Variants in PDZRN3 observed in about 807,000 individuals in gnomAD.
The protein encoded by PDZRN3 is E3 ubiquitin-protein ligase PDZRN3.
PDZRN3 carries 38 observed loss-of-function variants against 85.7 expected under a neutral mutation model. That is an observed-to-expected ratio of 0.44 (90% CI 0.34 to 0.58). The LOEUF (loss-of-function observed/expected upper bound fraction) is 0.58, where lower values mean the gene tolerates loss of function less well. PDZRN3 is among the 20% of genes least tolerant of loss of function. PDZRN3 has a pLI of 0.01. For missense variants in PDZRN3, 1,629 were observed against 1,506.4 expected (o/e 1.08, Z -1.35); for synonymous variants, 759 against 638.0 (o/e 1.19, Z -2.86).
chr3:73,579,271 C>A (rs1309071297), intron 3 of PDZRN3, among the ~76,000 whole-genome samples: 1 of 152,196 alleles, frequency 6.6e-6, no homozygotes, highest in East Asian at 1.9e-4. Flanking sequence ...AGCACCTTGA[C>A]CTTGAACTTC....
chr3:73,459,697 C>T (rs190838200), intron 3 of PDZRN3, among the ~76,000 whole-genome samples: 38 of 152,308 alleles, frequency 2.5e-4, no homozygotes, highest in East Asian at 2.3e-3. Flanking sequence ...CTTCTTTTTA[C>T]GGCTGCATAG....
At chr3:73,574,540 C>T (rs150548535) in intron 3 of PDZRN3, among the ~76,000 whole-genome samples, 9,928 of 151,676 alleles carry the variant, frequency 0.065, 1,085 homozygotes, top group African/African-American at 0.23. Flanking sequence ...CTCACTGCAA[C>T]CTCCACCTCC....
intron 3 of PDZRN3, among the ~76,000 whole-genome samples, chr3:73,489,162 G>A (rs1391065781): frequency 6.6e-6 from 1 of 152,216 alleles, no homozygotes; most frequent in Non-Finnish European, 1.5e-5. Context: ...CAGCTAGTGG[G>A]CAGGGTGCAG....
At chr3:73,396,331 G>T (rs566717129) in intron 5 of PDZRN3, among the ~76,000 whole-genome samples, 1 of 152,204 alleles carries the variant, frequency 6.6e-6, no homozygotes, top group East Asian at 1.9e-4. Context: ...GGCATGTAAC[G>T]ATCTGGGGCA....
At chr3:73,492,520 T>C (rs1559706810) in intron 3 of PDZRN3, among the ~76,000 whole-genome samples, 2 of 152,336 alleles carry the variant, frequency 1.3e-5, no homozygotes, top group Admixed American at 1.3e-4. Flanking sequence ...TCTGGGTGCA[T>C]GGTGCTGTTC....
At chr3:73,623,584 A>G (rs1702902530) in intron 1 of PDZRN3, 1 of 152,068 alleles carries the variant, frequency 6.6e-6, no homozygotes, top group South Asian at 2.1e-4. Flanking sequence ...CTCTCTTCTG[A>G]TATCCTTCTT....
intron 3 of PDZRN3, among the ~76,000 whole-genome samples, chr3:73,476,757 G>A (rs1703467208): frequency 6.6e-6 from 1 of 152,168 alleles, no homozygotes; most frequent in South Asian, 2.1e-4. Flanking sequence ...GAGAAACTGA[G>A]GCCTCTTACC....
intron 3 of PDZRN3, among the ~76,000 whole-genome samples, chr3:73,495,961 TC>T (rs1703858165): frequency 6.6e-6 from 1 of 151,202 alleles, no homozygotes; most frequent in African/African-American, 2.4e-5. Flanking sequence ...CTTCCCCCTA[TC>T]CCCATCCCCC....
At chr3:73,574,673 G>A (rs1009796679) in intron 3 of PDZRN3, among the ~76,000 whole-genome samples, 5 of 152,120 alleles carry the variant, frequency 3.3e-5, no homozygotes, top group African/African-American at 1.2e-4. Context: ...TGGTCAGGCC[G>A]GTCTCAAACT....
chr3:73,624,667 C>CGGGCAGCTGCCCTCCTGCACCACCCA lies in PDZRN3; in HGVS notation c.133_158dup (p.Ala54GlyfsTer106). The CGGGCAGCTGCCCTCCTGCACCACCCA allele has an allele frequency of 1.3e-6, 2 of 1,526,258 alleles. No homozygotes were observed. The highest frequency in any genetic ancestry group is 8.8e-7 in the Non-Finnish European group (1 of 1,141,820). 94.5% of individuals were successfully genotyped at this position (1,526,258 alleles called of 1,614,324 possible). A position where few individuals can be genotyped will look rare whatever the true frequency, so the allele number is the denominator to read the frequency against. On this transcript the variant is annotated frameshift_variant, in exon 1 of 10. Transcript: ENST00000263666. LOFTEE classifies it high-confidence loss of function. ...CCGACAGGCGACCGCGGCAGCGCGC[C>CGGGCAGCTGCCCTCCTGCACCACCCA]GGGCAGCTGCCCTCCTGCACCACCC...
At chr3:73,554,353 GACACACACACAC>G (rs35130068) in intron 3 of PDZRN3, among the ~76,000 whole-genome samples, 9,984 of 147,634 alleles carry the variant, frequency 0.068, 410 homozygotes, top group African/African-American at 0.11. Context: ...GTTGAGAGAA[GACACACACACAC>G]ACACACACAC....
intron 3 of PDZRN3, among the ~76,000 whole-genome samples, chr3:73,434,831 T>G (rs1702500973): frequency 6.6e-6 from 1 of 152,152 alleles, no homozygotes; most frequent in East Asian, 1.9e-4. Context: ...ATTTAAGAAT[T>G]TTGGTTCTTG....
chr3:73,387,753 G>A (rs544569374), intron 8 of PDZRN3, among the ~76,000 whole-genome samples: 5 of 152,120 alleles, frequency 3.3e-5, no homozygotes, highest in South Asian at 2.1e-4. Context: ...AATGAACGTC[G>A]TGGGCCTGCA....
intron 3 of PDZRN3, among the ~76,000 whole-genome samples, chr3:73,503,842 A>T (rs997206724): frequency 6.6e-6 from 1 of 152,222 alleles, no homozygotes; most frequent in East Asian, 1.9e-4. Flanking sequence ...GTATACAAAG[A>T]TCAAGTTCTG....
At position 73,384,366 on chromosome 3, in the gene PDZRN3, C is replaced by G. The variant is rs1472946191; in HGVS notation, c.2200G>C (p.Asp734His). Residue 734 changes from aspartate (D) to histidine (H), a missense_variant, in exon 10 of 10, where the codon GAC becomes CAC. By Grantham distance (81) the Asp-to-His change is moderately conservative (BLOSUM62 -1). Coordinates refer to ENST00000263666, the MANE Select transcript of PDZRN3 (RefSeq NM_015009.3). ...TCTGAGAGCTCGTGTCTGCGCACGT[C>G]GATGCTGGTGTTGTAGTTGCGGAAG... Reference protein sequence around the residue: ...SGFRNYNTSIDVRRHELSDIT... With the variant: ...SGFRNYNTSIHVRRHELSDIT... 2 of 1,609,502 alleles carry G rather than the reference C, an allele frequency of 1.2e-6. No individual in the cohort carries two copies. The highest frequency in any genetic ancestry group is 2.2e-5 in the South Asian group (2 of 91,078).
chr3:73,415,838 A>C (rs1702070199), intron 3 of PDZRN3, among the ~76,000 whole-genome samples: 1 of 152,132 alleles, frequency 6.6e-6, no homozygotes, highest in Non-Finnish European at 1.5e-5. Context: ...ATGTGTAATG[A>C]AGTGATTACT....
chr3:73,528,200 T>C (rs2106747161), intron 3 of PDZRN3, among the ~76,000 whole-genome samples: 1 of 152,322 alleles, frequency 6.6e-6, no homozygotes, highest in Non-Finnish European at 1.5e-5. Context: ...GATGCAGGTA[T>C]TTTGAGCAGC....
chr3:73,419,226 G>C (rs1702150591), intron 3 of PDZRN3, among the ~76,000 whole-genome samples: 1 of 152,208 alleles, frequency 6.6e-6, no homozygotes, highest in African/African-American at 2.4e-5. Context: ...TTTTCAGAGA[G>C]AGAGAGGGGA....
chr3:73,562,690 C>T (rs951641179), intron 3 of PDZRN3, among the ~76,000 whole-genome samples: 5 of 151,904 alleles, frequency 3.3e-5, no homozygotes, highest in Non-Finnish European at 7.4e-5. Flanking sequence ...CACCCCCATC[C>T]CACCATCAAA....
Sources: allele counts gnomAD v4.1 joint callset (sites outside exome capture counted in the v4.1 genomes callset), GRCh38; gene constraint gnomAD v4.1.1; transcripts MANE v1.5; gene names NCBI Gene and HGNC (gene_info 2026-07-23, HGNC 2026-07-21).